MSH4: variants seen among roughly 807,000 people sequenced by gnomAD.
MSH4 encodes mutS protein homolog 4.
In MSH4, 106 loss-of-function variants were observed where a neutral mutation model predicts 113.7. The observed-to-expected ratio is 0.93, with a 90% CI of 0.80 to 1.10. The LOEUF (loss-of-function observed/expected upper bound fraction) is 1.10. MSH4 is among the 50% of genes least tolerant of loss of function. MSH4 has a pLI of 0.00. For synonymous variants in MSH4, 368 were observed against 380.2 expected, an observed-to-expected ratio of 0.97 and a Z score of 0.37; for missense variants, 1,061 against 1,093.7, an observed-to-expected ratio of 0.97 and a Z score of 0.42.
intron 7 of MSH4, among the ~76,000 whole-genome samples, chr1:75,840,880 A>G (rs1650945077): frequency 6.6e-6 from 1 of 152,142 alleles, no homozygotes; most frequent in African/African-American, 2.4e-5. Flanking sequence ...TACATGCAAT[A>G]ACAATTGAGT....
intron 3 of MSH4, among the ~76,000 whole-genome samples, chr1:75,808,043 A>G (rs1174457456): frequency 6.6e-6 from 1 of 152,286 alleles, no homozygotes; most frequent in Admixed American, 6.5e-5. Context: ...AAATGTTGAA[A>G]TTTTTTTGAT....
chr1:75,893,451 T>G (rs1216314947), intron 17 of MSH4, among the ~76,000 whole-genome samples: 3 of 152,166 alleles, frequency 2.0e-5, no homozygotes, highest in Non-Finnish European at 4.4e-5. Context: ...AGGGAGACAC[T>G]GATGAACCTG....
chr1:75,878,843 T>A, intron 11 of MSH4, 149 bp from the exon 12 acceptor site: 2 of 621,050 alleles, frequency 3.2e-6, no homozygotes, highest in Non-Finnish European at 5.1e-6. Flanking sequence ...AAAAAAAAAA[T>A]TATTAGAGTT....
At chr1:75,818,218 T>G (rs1224547241) in intron 6 of MSH4, among the ~76,000 whole-genome samples, 2 of 152,182 alleles carry the variant, frequency 1.3e-5, no homozygotes, top group Non-Finnish European at 2.9e-5. Context: ...CTGAAAACCT[T>G]CCAGTGGCTC....
chr1:75,879,744 G>A (rs5745458), intron 12 of MSH4, among the ~76,000 whole-genome samples: 115,908 of 151,986 alleles, frequency 0.76, 44,347 homozygotes, highest in East Asian at 0.98. Context: ...TCCATCATGC[G>A]TGTTACTTGG....
intron 7 of MSH4, among the ~76,000 whole-genome samples, chr1:75,841,191 T>TC (rs1009577305): frequency 5.4e-5 from 8 of 149,494 alleles, no homozygotes; most frequent in African/African-American, 2.0e-4. Context: ...CGCTTTCTCT[T>TC]CTTTTTTTTT....
chr1:75,887,650 A>G (rs1652156302), intron 15 of MSH4, among the ~76,000 whole-genome samples: 1 of 152,250 alleles, frequency 6.6e-6, no homozygotes. Flanking sequence ...TTTGTCCAAG[A>G]TTATATAGTT....
intron 10 of MSH4, 124 bp from the exon 11 acceptor site, chr1:75,878,025 T>G (rs1443195248): frequency 1.5e-6 from 1 of 664,874 alleles, no homozygotes; most frequent in Non-Finnish European, 2.5e-6. Flanking sequence ...ATTTGTTGCT[T>G]AATTAGTTAT....
At chr1:75,855,401 A>G (rs768840893) in intron 8 of MSH4, among the ~76,000 whole-genome samples, 8 of 152,098 alleles carry the variant, frequency 5.3e-5, no homozygotes, top group Non-Finnish European at 1.2e-4. Context: ...AATAATAGAA[A>G]TTTATTGTCT....
intron 13 of MSH4, 99 bp from the exon 14 acceptor site, chr1:75,881,147 T>C (rs5745465): frequency 0.081 from 73,784 of 908,636 alleles, 4,827 homozygotes; most frequent in East Asian, 0.29. Flanking sequence ...ATGTGAATAT[T>C]ATTTTACTTC....
chr1:75,885,043 G>GTATA (rs1204341039), intron 15 of MSH4, among the ~76,000 whole-genome samples: 2 of 104,004 alleles, frequency 1.9e-5, no homozygotes, highest in South Asian at 2.6e-4. Flanking sequence ...GTGTGTGTGT[G>GTATA]TGTGTGTGTG....
chr1:75,815,560 C>T (rs1023722542), intron 5 of MSH4, among the ~76,000 whole-genome samples: 1 of 152,148 alleles, frequency 6.6e-6, no homozygotes, highest in Admixed American at 6.6e-5. Context: ...CTAACAGATT[C>T]AGCATGAGAC....
chr1:75,805,030 T>C (rs1160577803), intron 2 of MSH4, among the ~76,000 whole-genome samples: 23 of 143,516 alleles, frequency 1.6e-4, no homozygotes, highest in Middle Eastern at 4.2e-3. Context: ...TTTTACCATA[T>C]TGGCCAGGCT....
At chr1:75,857,204 A>T (rs1651338692) in intron 8 of MSH4, among the ~76,000 whole-genome samples, 1 of 152,036 alleles carries the variant, frequency 6.6e-6, no homozygotes. Context: ...TGTCGGATGG[A>T]TAGATTGCAA....
At chr1:75,813,761 A>G (rs945408593) in intron 4 of MSH4, among the ~76,000 whole-genome samples, 4 of 152,156 alleles carry the variant, frequency 2.6e-5, no homozygotes, top group Non-Finnish European at 5.9e-5. Context: ...CTGTAGTCCC[A>G]GGTACTTGGG....
intron 8 of MSH4, among the ~76,000 whole-genome samples, chr1:75,850,350 T>A (rs1005232263): frequency 6.6e-6 from 1 of 152,162 alleles, no homozygotes; most frequent in Non-Finnish European, 1.5e-5. Context: ...AGATATGTTG[T>A]GATTTCTTTT....
In MSH4 at chr1:75,857,515, G is replaced by A. The variant is rs1201400901; in HGVS notation, c.1230+9239G>A. ...TCAGTTTTCTGCATATGGCTAACCAGTTTTCCCAGCACCATTTATTAAATA... is the reference window on the plus strand; with the variant it reads ...TCAGTTTTCTGCATATGGCTAACCAATTTTCCCAGCACCATTTATTAAATA... On this transcript the variant is annotated intron_variant, in intron 8 of 19. Transcript: ENST00000263187. Among the ~76,000 whole-genome samples the A allele has an allele frequency of 2.0e-5, 3 of 152,160 alleles. 1 individual carries two copies. The South Asian group carries it at 6.2e-4, about 31-fold the overall frequency.
chr1:75,806,896 TTG>T, intron 2 of MSH4, 83 bp from the exon 3 acceptor site: 1 of 1,266,102 alleles, frequency 7.9e-7, no homozygotes, highest in Non-Finnish European at 1.1e-6. Flanking sequence ...TTTTGTCCTC[TTG>T]ATTAAGAATT....
Position 75,883,713 on chromosome 1 carries a change from A to T in MSH4, c.1999A>T (p.Thr667Ser). 6.2e-7 allele frequency: 1 copy of T among 1,613,428 alleles called. No individual in the cohort carries two copies. The highest frequency in any genetic ancestry group is 1.3e-5 in the African/African-American group (1 of 75,012). ...ISAEKPIANN[T>S]YVTEGSNFLI... ...TGCGGAAAAACCTATTGCCAACAAT[A>T]CCTATGTTACAGAAGGGAGTAATTT... is the stretch of plus-strand genomic sequence containing the variant. The change falls in exon 15 of 20, where the codon ACC becomes TCC. Residue 667 changes from threonine (T) to serine (S), a missense_variant. Transcript: ENST00000263187.
Sources: gnomAD v4.1 joint callset for allele counts (sites outside exome capture counted in the v4.1 genomes callset) on GRCh38, gnomAD v4.1.1 for gene constraint, MANE v1.5 for transcripts, NCBI Gene and HGNC (gene_info 2026-07-23, HGNC 2026-07-21) for gene names.